Variants in DSG2 observed in about 807,000 individuals in gnomAD.
The protein encoded by DSG2 is desmoglein-2.
In DSG2, 45 loss-of-function variants were observed where a neutral mutation model predicts 75.6. That is an observed-to-expected ratio of 0.60 (90% CI 0.47 to 0.76). The LOEUF is 0.76. Ranked by LOEUF, DSG2 falls within the 30% of genes least tolerant of loss-of-function variation. DSG2 has a pLI of 0.00. For missense variants in DSG2, 1,267 were observed against 1,357.4 expected (o/e 0.93, Z 1.05); for synonymous variants, 429 against 483.9 (o/e 0.89, Z 1.49).
rs749602291 is a variant in DSG2 at position 31,519,896 on chromosome 18, C to T, written c.175C>T (p.Arg59Trp). 3.4e-5 allele frequency: 55 copies of T among 1,613,972 alleles called. No homozygotes were observed. Among genetic ancestry groups the T allele is most frequent in the East Asian group, 1.6e-4 (7 of 44,870 alleles). ...RAWITAPVAL[R>W]EGEDLSKKNP... ...CTGGATCACCGCCCCCGTGGCTCTT[C>T]GGGAGGGAGAGGATCTGTCCAAGAA... The change falls in exon 3 of 15, where the codon CGG becomes TGG. Residue 59 changes from arginine (R) to tryptophan (W), a missense_variant. By Grantham distance (101) the Arg-to-Trp change is moderately radical. Transcript: ENST00000261590.
intron 3 of DSG2, among the ~76,000 whole-genome samples, chr18:31,520,190 A>G (rs2073119972): frequency 6.6e-6 from 1 of 152,210 alleles, no homozygotes; most frequent in Non-Finnish European, 1.5e-5. Context: ...TGATTTAACT[A>G]AGAGTAAAGG....
chr18:31,522,741 G>C (rs1358900162), intron 6 of DSG2: 2 of 155,516 alleles, frequency 1.3e-5, no homozygotes, highest in Non-Finnish European at 2.9e-5. Context: ...TCAGTTTGCA[G>C]TTCTCTAATG....
Position 31,498,310 on chromosome 18 carries a change from GC to G in DSG2, c.45+15del, listed in dbSNP as rs1246135423. On this transcript the variant is annotated intron_variant, in intron 1 of 14. Transcript: ENST00000261590. Reference sequence around the variant, plus strand: ...CTGCTTCTCCTGGTAAGTGCCGCAAGCGGGACAGGGGAGCCACCGCCGGGGA... The same window carrying G: ...CTGCTTCTCCTGGTAAGTGCCGCAAGGGGACAGGGGAGCCACCGCCGGGGA... 1 of 1,261,232 alleles carries G rather than the reference GC, an allele frequency of 7.9e-7. No individual in the cohort carries two copies. Among genetic ancestry groups the G allele is most frequent in the Admixed American group, 4.0e-5 (1 of 24,862 alleles). 78.1% of individuals were successfully genotyped at this position (1,261,232 alleles called of 1,614,324 possible). A position where few individuals can be genotyped will look rare whatever the true frequency, so the allele number is the denominator to read the frequency against.
At chr18:31,536,634 T>C (rs1366687138) in intron 11 of DSG2, among the ~76,000 whole-genome samples, 1 of 152,202 alleles carries the variant, frequency 6.6e-6, no homozygotes, top group African/African-American at 2.4e-5. Flanking sequence ...GTCTTGAAGG[T>C]AGCTGGGTAT....
At position 31,548,834 on chromosome 18, in the gene DSG2, A is replaced by C. The variant is rs1215404458; in HGVS notation, c.*2091A>C. 6.6e-6 allele frequency: 1 copy of C among 152,196 alleles called. No homozygotes were observed. The highest frequency in any genetic ancestry group is 6.5e-5 in the Admixed American group (1 of 15,278). 9.4% of individuals were successfully genotyped at this position (152,196 alleles called of 1,614,324 possible). A position where few individuals can be genotyped will look rare whatever the true frequency, so the allele number is the denominator to read the frequency against. ...GTATCATCATAAAATATTTAAATAA[A>C]AAGTATCTTTAGAGTGACCCTTTCC... On this transcript the variant is annotated 3_prime_UTR_variant, in exon 15 of 15. Coordinates refer to ENST00000261590, the MANE Select transcript of DSG2 (RefSeq NM_001943.5).
intron 12 of DSG2, among the ~76,000 whole-genome samples, chr18:31,539,527 C>G (rs10502572): frequency 6.6e-6 from 1 of 152,152 alleles, no homozygotes; most frequent in African/African-American, 2.4e-5. Flanking sequence ...CCTTCCTGAC[C>G]GTAAGATGTT....
At position 31,545,804 on chromosome 18, in the gene DSG2, G is replaced by T. The variant is rs751831001; in HGVS notation, c.2418G>T (p.Ser806=). ...LLVYSQEETE[S]LNASIGCCSF... The stretch of plus-strand genomic sequence containing the variant: ...TTTATTCTCAGGAAGAAACTGAATC[G>T]CTGAATGCTTCTATTGGTTGTTGCA... Residue 806 remains serine (S), a synonymous_variant, in exon 15 of 15, where the codon TCG becomes TCT. Coordinates refer to ENST00000261590, the MANE Select transcript of DSG2 (RefSeq NM_001943.5). 1.2e-6 allele frequency: 2 copies of T among 1,614,174 alleles called. No individual in the cohort carries two copies. The highest frequency in any genetic ancestry group is 1.7e-6 in the Non-Finnish European group (2 of 1,180,028).
intron 9 of DSG2, among the ~76,000 whole-genome samples, chr18:31,533,010 T>G (rs2073207614): frequency 6.6e-6 from 1 of 152,220 alleles, no homozygotes; most frequent in Non-Finnish European, 1.5e-5. Flanking sequence ...TTTTTATTTC[T>G]TAGTGTTTTA....
rs1048468733 is a variant in DSG2 at position 31,535,357 on chromosome 18, A to G, written c.1368A>G (p.Glu456=). ...EIKLAKLPDF[E]SRYVQNGTYT... ...AACTTGCAAAACTTCCTGATTTTGA[A>G]TCTAGATATGTTCAAAATGGCACAT... is the stretch of plus-strand genomic sequence containing the variant. Residue 456 remains glutamate, a synonymous_variant, in exon 10 of 15, where the codon GAA becomes GAG. Coordinates refer to ENST00000261590, the MANE Select transcript of DSG2 (RefSeq NM_001943.5). 6.2e-7 allele frequency: 1 copy of G among 1,611,870 alleles called. No individual in the cohort carries two copies. The highest frequency in any genetic ancestry group is 1.3e-5 in the African/African-American group (1 of 74,880).
intron 5 of DSG2, among the ~76,000 whole-genome samples, chr18:31,521,770 A>C (rs532375423): frequency 6.6e-6 from 1 of 152,346 alleles, no homozygotes; most frequent in East Asian, 1.9e-4. Flanking sequence ...CTTAATAGAT[A>C]TCAGGATCAT....
At chr18:31,525,028 C>A in intron 8 of DSG2, 140 bp downstream of exon 8, 1 of 833,948 alleles carries the variant, frequency 1.2e-6, no homozygotes, top group Non-Finnish European at 2.0e-6. Context: ...AGGAGCCATC[C>A]CTATTTGCCC....
At chr18:31,545,233 A>T (rs1230997901) in intron 14 of DSG2, among the ~76,000 whole-genome samples, 1 of 152,226 alleles carries the variant, frequency 6.6e-6, no homozygotes, top group Non-Finnish European at 1.5e-5. Flanking sequence ...TGCAAGAATA[A>T]TAGAAATTTT....
chr18:31,507,895 T>C (rs1047342996), intron 1 of DSG2, among the ~76,000 whole-genome samples: 6 of 152,342 alleles, frequency 3.9e-5, no homozygotes, highest in Admixed American at 3.3e-4. Context: ...ACTCTGATGA[T>C]GGTTTCTTTT....
chr18:31,542,482 C>G (rs2073274217), intron 13 of DSG2, 38 bp from the exon 14 acceptor site: 1 of 1,608,194 alleles, frequency 6.2e-7, no homozygotes, highest in African/African-American at 1.3e-5. Context: ...TTCCCTCCAT[C>G]CTCCTGACTC....
Position 31,546,346 on chromosome 18 carries a change from T to C in DSG2, c.2960T>C (p.Val987Ala), listed in dbSNP as rs727502991. ...QPYANEGTVV[V>A]TERVIQPHGG... ...TATGCTAATGAAGGTACAGTTGTGG[T>C]CACTGAAAGAGTAATACAGCCTCAT... The change falls in exon 15 of 15, where the codon GTC becomes GCC. Residue 987 changes from valine to alanine, a missense_variant. By Grantham distance (64) the Val-to-Ala change is moderately conservative (BLOSUM62 0). Coordinates refer to ENST00000261590, the MANE Select transcript of DSG2 (RefSeq NM_001943.5). The C allele has an allele frequency of 9.9e-6, 16 of 1,612,910 alleles. No individual in the cohort carries two copies. Among genetic ancestry groups the C allele is most frequent in the African/African-American group, 1.3e-5 (1 of 75,010 alleles).
chr18:31,517,158 G>T (rs976781881), intron 1 of DSG2, among the ~76,000 whole-genome samples: 6 of 152,266 alleles, frequency 3.9e-5, no homozygotes, highest in African/African-American at 1.4e-4. Flanking sequence ...AACTGAATAA[G>T]CCAGGCACAG....
At chr18:31,520,456 C>A (rs2073121307) in intron 3 of DSG2, among the ~76,000 whole-genome samples, 1 of 152,076 alleles carries the variant, frequency 6.6e-6, no homozygotes, top group African/African-American at 2.4e-5. Flanking sequence ...CAAACATAAA[C>A]CCTTCATTTT....
rs751527714 is a variant in DSG2 at position 31,531,060 on chromosome 18, C to T, written c.1088C>T (p.Ser363Leu). 5 of 1,613,944 alleles carry T rather than the reference C, an allele frequency of 3.1e-6. No individual in the cohort carries two copies. Among genetic ancestry groups the T allele is most frequent in the East Asian group, 2.2e-5 (1 of 44,856 alleles). ...GCTAATAAAGCAGCTTTTCACAAGT[C>T]GATTAGGAGTAAATACAAGCCTACA... is the stretch of plus-strand genomic sequence containing the variant. Reference protein sequence around the residue: ...IVANKAAFHKSIRSKYKPTPI... With the variant: ...IVANKAAFHKLIRSKYKPTPI... The change falls in exon 9 of 15, where the codon TCG becomes TTG. Residue 363 changes from serine to leucine, a missense_variant. By Grantham distance (145) the Ser-to-Leu change is moderately radical (BLOSUM62 -2). Coordinates refer to ENST00000261590, the MANE Select transcript of DSG2 (RefSeq NM_001943.5).
chr18:31,526,566 C>G (rs1197979870), intron 8 of DSG2, among the ~76,000 whole-genome samples: 1 of 152,130 alleles, frequency 6.6e-6, no homozygotes, highest in Non-Finnish European at 1.5e-5. Flanking sequence ...ATCAGTTTAT[C>G]TGCTTGTGTC....
Sources: gnomAD v4.1 joint callset for allele counts (sites outside exome capture counted in the v4.1 genomes callset) on GRCh38, gnomAD v4.1.1 for gene constraint, MANE v1.5 for transcripts, NCBI Gene and HGNC (gene_info 2026-07-23, HGNC 2026-07-21) for gene names.